Variants in OTUD7B observed in about 807,000 individuals in gnomAD.
OTUD7B encodes the protein OTU deubiquitinase 7B.
OTUD7B carries 34 observed loss-of-function variants against 82.2 expected under a neutral mutation model. The observed-to-expected ratio is 0.41, with a 90% CI of 0.31 to 0.55. The LOEUF is 0.55. OTUD7B is among the 20% of genes least tolerant of loss of function. The probability of loss-of-function intolerance (pLI) is 0.20; values close to 1 mark genes in which losing one functional copy is unlikely to be tolerated. For synonymous variants in OTUD7B, 398 were observed against 402.7 expected (o/e 0.99, Z 0.14); for missense variants, 944 against 1,062.1 (o/e 0.89, Z 1.55).
chr1:150,044,436 G>C, the OTUD7B span, among the ~76,000 whole-genome samples: 1 of 151,942 alleles, frequency 6.6e-6, no homozygotes, highest in Admixed American at 6.6e-5. Context: ...TCGAACTCCT[G>C]ACTTCAAGTG....
intron 1 of OTUD7B, among the ~76,000 whole-genome samples, chr1:149,996,453 C>G (rs1410396511): frequency 1.3e-5 from 2 of 152,148 alleles, no homozygotes; most frequent in Non-Finnish European, 2.9e-5. Context: ...TATATGTAAA[C>G]AGTGGCATAA....
the OTUD7B span, among the ~76,000 whole-genome samples, chr1:150,018,601 C>A: frequency 0.023 from 3,481 of 152,260 alleles, 102 homozygotes; most frequent in African/African-American, 0.076. Context: ...TGTATCTAAG[C>A]ACCCACTATG....
chr1:150,036,540 G>A, the OTUD7B span, among the ~76,000 whole-genome samples: 1 of 152,168 alleles, frequency 6.6e-6, no homozygotes, highest in African/African-American at 2.4e-5. Flanking sequence ...ATTACAGGCT[G>A]AGCCACCACA....
chr1:150,038,130 A>C, the OTUD7B span, among the ~76,000 whole-genome samples: 1 of 151,898 alleles, frequency 6.6e-6, no homozygotes, highest in Non-Finnish European at 1.5e-5. Flanking sequence ...AAGTGCTAGG[A>C]TTACAGGCGT....
At chr1:150,025,090 A>G in the OTUD7B span, among the ~76,000 whole-genome samples, 1 of 150,978 alleles carries the variant, frequency 6.6e-6, no homozygotes, top group Non-Finnish European at 1.5e-5. Flanking sequence ...ACCCACCACA[A>G]CCTTATCTGA....
At chr1:149,987,299 C>T (rs1406238558) in intron 1 of OTUD7B, among the ~76,000 whole-genome samples, 1 of 152,218 alleles carries the variant, frequency 6.6e-6, no homozygotes, top group African/African-American at 2.4e-5. Context: ...ACGGGCAGTC[C>T]ACCATGTGGA....
intron 1 of OTUD7B, among the ~76,000 whole-genome samples, chr1:149,998,014 T>C (rs587670695): frequency 6.6e-6 from 1 of 152,294 alleles, no homozygotes; most frequent in Non-Finnish European, 1.5e-5. Context: ...CTTTCAAAGC[T>C]GTCTACCAAG....
chr1:149,948,867 G>T, intron 10 of OTUD7B, 102 bp downstream of exon 10: 1 of 747,830 alleles, frequency 1.3e-6, no homozygotes, highest in Non-Finnish European at 2.3e-6. Context: ...ATCTTAGCTT[G>T]TGACTGTCTT....
intron 1 of OTUD7B, among the ~76,000 whole-genome samples, chr1:150,006,374 A>T (rs1261038097): frequency 6.6e-6 from 1 of 152,128 alleles, no homozygotes; most frequent in Non-Finnish European, 1.5e-5. Flanking sequence ...GGACAATGGC[A>T]TGAACCTGGG....
At chr1:150,033,475 C>A in the OTUD7B span, among the ~76,000 whole-genome samples, 12 of 152,024 alleles carry the variant, frequency 7.9e-5, no homozygotes, top group Non-Finnish European at 1.8e-4. Context: ...TCCTTAACAT[C>A]AACACTTCAA....
At chr1:149,958,760 T>C (rs587766950) in intron 7 of OTUD7B, among the ~76,000 whole-genome samples, 1 of 152,206 alleles carries the variant, frequency 6.6e-6, no homozygotes, top group South Asian at 2.1e-4. Flanking sequence ...TTTTTTCTTT[T>C]AGAGACAGAG....
Position 149,997,160 on chromosome 1 carries a change from A to AT in OTUD7B, c.-67+13287dup, listed in dbSNP as rs1478189223. On this transcript the variant is annotated intron_variant, in intron 1 of 11. Coordinates refer to ENST00000581312, the MANE Select transcript of OTUD7B (RefSeq NM_020205.4). ...AGTGTTAGCTGATTCAGAAAATTGTATTTTCAATCCTCAAGTATCTGTTAT... is the reference window on the plus strand; with the variant it reads ...AGTGTTAGCTGATTCAGAAAATTGTATTTTTCAATCCTCAAGTATCTGTTAT... Among the ~76,000 whole-genome samples the AT allele has an allele frequency of 4.6e-5, 7 of 152,266 alleles. No homozygotes were observed. In the East Asian group the frequency reaches 1.3e-3, roughly 29 times the overall value.
the OTUD7B span, among the ~76,000 whole-genome samples, chr1:150,016,850 G>A: frequency 3.9e-5 from 6 of 152,096 alleles, no homozygotes; most frequent in African/African-American, 7.2e-5. Flanking sequence ...ATGTGCAGTC[G>A]GCTCTAGCAA....
chr1:149,977,822 T>C (rs1388739446), intron 1 of OTUD7B, among the ~76,000 whole-genome samples: 1 of 152,202 alleles, frequency 6.6e-6, no homozygotes, highest in Non-Finnish European at 1.5e-5. Flanking sequence ...TTCCTGTACT[T>C]TTCCTGAGTA....
chr1:149,944,985 G>A lies in OTUD7B; in HGVS notation c.1404C>T (p.Asp468=). 2 of 1,614,126 alleles carry A rather than the reference G, an allele frequency of 1.2e-6. No homozygotes were observed. Among genetic ancestry groups the A allele is most frequent in the Non-Finnish European group, 1.7e-6 (2 of 1,180,022 alleles). Residue 468 remains aspartate, a synonymous_variant, in exon 12 of 12, where the codon GAC becomes GAT. Transcript: ENST00000581312. ...PRSTPESGDS[D]KESVGSSSTS... Reference sequence around the variant, plus strand: ...TGGAACTGCTGCCAACTGACTCCTTGTCTGAGTCTCCAGACTCAGGAGTGG... The same window carrying A: ...TGGAACTGCTGCCAACTGACTCCTTATCTGAGTCTCCAGACTCAGGAGTGG...
At chr1:149,998,177 C>T (rs1338763019) in intron 1 of OTUD7B, among the ~76,000 whole-genome samples, 1 of 152,156 alleles carries the variant, frequency 6.6e-6, no homozygotes, top group Admixed American at 6.5e-5. Context: ...TTACTCAAAT[C>T]TCTCCCCCTT....
the OTUD7B span, chr1:150,054,215 G>T: frequency 2.3e-6 from 1 of 427,670 alleles, no homozygotes; most frequent in South Asian, 1.9e-5. Flanking sequence ...TTATCTTACT[G>T]AAGATGTGCT....
intron 11 of OTUD7B, 119 bp from the exon 12 acceptor site, chr1:149,945,184 A>T: frequency 7.4e-7 from 1 of 1,349,536 alleles, no homozygotes; most frequent in South Asian, 1.5e-5. Context: ...TGGCTATAGA[A>T]ATTAGCCAGG....
At chr1:149,973,479 T>C (rs782053344) in intron 2 of OTUD7B, among the ~76,000 whole-genome samples, 73 of 138,346 alleles carry the variant, frequency 5.3e-4, no homozygotes, top group Admixed American at 4.4e-3. Flanking sequence ...AGTTAACTGT[T>C]GTTGTTGTTG....
Sources: gnomAD v4.1 joint callset for allele counts (sites outside exome capture counted in the v4.1 genomes callset) on GRCh38, gnomAD v4.1.1 for gene constraint, MANE v1.5 for transcripts, NCBI Gene and HGNC (gene_info 2026-07-23, HGNC 2026-07-21) for gene names.